Variants in BRCA1 observed in about 807,000 individuals in gnomAD.
BRCA1 encodes BRCA1 DNA repair associated.
BRCA1 carries 140 observed loss-of-function variants against 173.7 expected under a neutral mutation model. The ratio of observed to expected loss-of-function variants is 0.81; its 90% CI spans 0.70 to 0.93. The LOEUF is 0.93. Ranked by LOEUF, BRCA1 falls within the 40% of genes least tolerant of loss-of-function variation. The pLI, the probability that BRCA1 is intolerant of heterozygous loss-of-function variation, is 0.00. For synonymous variants in BRCA1, 662 were observed against 756.0 expected (o/e 0.88, Z 2.04); for missense variants, 1,983 against 2,172.5 (o/e 0.91, Z 1.73).
Position 43,104,150 on chromosome 17 carries a change from A to G in BRCA1, c.413T>C (p.Leu138Pro), listed in dbSNP as rs200449040. 3.7e-6 allele frequency: 6 copies of G among 1,614,070 alleles called. No individual in the cohort carries two copies. The highest frequency in any genetic ancestry group is 1.1e-5 in the South Asian group (1 of 91,066). Residue 138 changes from leucine (L) to proline (P), a missense_variant, in exon 6 of 23, where the codon CTA (leucine) becomes CCA (proline). Transcript: ENST00000357654. ...GGAAGGATTTTCGGGTTCACTCTGT[A>G]GAAGTCTTTTGGCACGGTTTCTGTA... is the stretch of plus-strand genomic sequence containing the variant. ...MGYRNRAKRL[L>P]QSEPENPSLQ... is the part of the protein sequence containing the mutation.
At chr17:43,135,176 C>T (rs1298287898) in intron 1 of BRCA1, among the ~76,000 whole-genome samples, 2 of 152,256 alleles carry the variant, frequency 1.3e-5, no homozygotes, top group Non-Finnish European at 2.9e-5. Flanking sequence ...CTGCGGACCC[C>T]GTGCACTTCC....
In BRCA1 at chr17:43,045,599, G is replaced by A. The variant is rs2152451078; in HGVS notation, c.*79C>T. 6.3e-7 allele frequency: 1 copy of A among 1,577,918 alleles called. No individual in the cohort carries two copies. Among genetic ancestry groups the A allele is most frequent in the Non-Finnish European group, 8.7e-7 (1 of 1,150,354 alleles). ...CAGTAGAAGGACTGAAGAGTGAGAG[G>A]AGCTCCCAGGGCCTGGAAAGGCCAC... On this transcript the variant is annotated 3_prime_UTR_variant, in exon 23 of 23. Coordinates refer to ENST00000357654, the MANE Select transcript of BRCA1 (RefSeq NM_007294.4).
At chr17:43,099,655 A>G in intron 7 of BRCA1, 120 bp downstream of exon 7, 2 of 810,430 alleles carry the variant, frequency 2.5e-6, no homozygotes, top group Non-Finnish European at 4.2e-6. Flanking sequence ...AGGGCTCATA[A>G]AATTCACTTC....
chr17:43,131,276 GTATATTA>G, intron 1 of BRCA1: 2 of 431,432 alleles, frequency 4.6e-6, no homozygotes, highest in South Asian at 1.8e-5. Flanking sequence ...AAGAGGTAAA[GTATATTA>G]TGGTACTTAT....
chr17:43,098,265 A>C (rs888092400), intron 7 of BRCA1, among the ~76,000 whole-genome samples: 1 of 152,032 alleles, frequency 6.6e-6, no homozygotes, highest in African/African-American at 2.4e-5. Flanking sequence ...TCCTGGCTTC[A>C]AGCAATCCTC....
At chr17:43,086,777 A>G (rs934613040) in intron 11 of BRCA1, among the ~76,000 whole-genome samples, 7 of 152,238 alleles carry the variant, frequency 4.6e-5, no homozygotes, top group African/African-American at 1.7e-4. Context: ...CCCACATTCA[A>G]AAAGGATCAT....
chr17:43,128,411 A>G (rs1294634040), upstream of BRCA1, among the ~76,000 whole-genome samples: 4 of 151,478 alleles, frequency 2.6e-5, no homozygotes, highest in Non-Finnish European at 5.9e-5. Flanking sequence ...ATCAGAAGGA[A>G]CAAACTCTGG....
At chr17:43,149,587 T>C (rs1161365308) in intron 1 of BRCA1, among the ~76,000 whole-genome samples, 1 of 152,088 alleles carries the variant, frequency 6.6e-6, no homozygotes, top group Non-Finnish European at 1.5e-5. Flanking sequence ...GCACCTCATA[T>C]GGAATCACCT....
In BRCA1 at chr17:43,094,597, C is replaced by A. The variant is rs752715574; in HGVS notation, c.934G>T (p.Gly312Cys). ...CTGTTATGTTGGCTCCTTGCTAAGC[C>A]AGGCTGTTTGCTTTTATTACAGAAT... Reference protein sequence around the residue: ...AEFCNKSKQPGLARSQHNRWA... With the variant: ...AEFCNKSKQPCLARSQHNRWA... Residue 312 changes from glycine to cysteine, a missense_variant, in exon 10 of 23, where the codon GGC becomes TGC. By Grantham distance (159) the Gly-to-Cys change is radical. Coordinates refer to ENST00000357654, the MANE Select transcript of BRCA1 (RefSeq NM_007294.4). 1 of 1,614,120 alleles carries A rather than the reference C, an allele frequency of 6.2e-7. No homozygotes were observed. Among genetic ancestry groups the A allele is most frequent in the Non-Finnish European group, 8.5e-7 (1 of 1,180,016 alleles).
chr17:43,142,070 C>T (rs2056079646), intron 1 of BRCA1, among the ~76,000 whole-genome samples: 1 of 151,956 alleles, frequency 6.6e-6, no homozygotes, highest in Non-Finnish European at 1.5e-5. Context: ...ACATGACCAT[C>T]CCCAGCTAAT....
At chr17:43,079,134 A>G (rs972660677) in intron 12 of BRCA1, among the ~76,000 whole-genome samples, 8 of 152,116 alleles carry the variant, frequency 5.3e-5, no homozygotes, top group African/African-American at 1.9e-4. Flanking sequence ...AAATCACACC[A>G]TTGCACTCCA....
chr17:43,157,227 G>C (rs1353450228), intron 1 of BRCA1, among the ~76,000 whole-genome samples: 2 of 152,136 alleles, frequency 1.3e-5, no homozygotes, highest in African/African-American at 4.8e-5. Flanking sequence ...CCTAAAACAG[G>C]CTGAAAAACT....
intron 1 of BRCA1, among the ~76,000 whole-genome samples, chr17:43,134,005 T>C (rs1390800188): frequency 1.3e-5 from 2 of 152,192 alleles, no homozygotes; most frequent in African/African-American, 4.8e-5. Flanking sequence ...TGTATTTCTA[T>C]CTGCTGGCCA....
intron 11 of BRCA1, 97 bp downstream of exon 11, chr17:43,090,847 A>G (rs989746210): frequency 8.7e-7 from 1 of 1,152,904 alleles, no homozygotes; most frequent in African/African-American, 1.5e-5. Context: ...ATTAATTCAA[A>G]GAGATGATGT....
rs768448755 is a variant in BRCA1 at position 43,145,628 on chromosome 17, C to T, written c.-19-21513G>A. ...GGCGTGAGCCACTGCGCCCGGCCTCCAGAGGAATATTTTTATCAACTATTT... is the reference window on the plus strand; with the variant it reads ...GGCGTGAGCCACTGCGCCCGGCCTCTAGAGGAATATTTTTATCAACTATTT... On this transcript the variant is annotated intron_variant, in intron 1 of 7. Transcript: ENST00000634433. Among the ~76,000 whole-genome samples the T allele has an allele frequency of 7.6e-4, 115 of 152,092 alleles. 1 individual carries two copies. Among genetic ancestry groups the T allele is most frequent in the Non-Finnish European group, 1.4e-3 (93 of 68,012 alleles).
intron 14 of BRCA1, among the ~76,000 whole-genome samples, chr17:43,072,736 G>A (rs1317719870): frequency 6.6e-6 from 1 of 151,794 alleles, no homozygotes; most frequent in African/African-American, 2.4e-5. Context: ...GGCTAATTTT[G>A]TATTTTTAGT....
chr17:43,048,494 C>CATGCCCAGCCTCCA (rs2051035480), intron 21 of BRCA1, among the ~76,000 whole-genome samples: 1 of 151,370 alleles, frequency 6.6e-6, no homozygotes, highest in Non-Finnish European at 1.5e-5. Context: ...CGTGAGCCAC[C>CATGCCCAGCCTCCA]GCACCTAGCT....
intron 1 of BRCA1, chr17:43,144,360 G>C (rs1463930353): frequency 5.6e-6 from 1 of 178,762 alleles, no homozygotes; most frequent in Non-Finnish European, 1.2e-5. Flanking sequence ...GGTAGGCCCA[G>C]TGATCCTATG....
In BRCA1 at chr17:43,092,649, T is replaced by C. The variant is rs879254130; in HGVS notation, c.2882A>G (p.Asn961Ser). ...RFCLSSQFRG[N>S]ETGLITPNKH... ...ATTTGGAGTAATGAGTCCAGTTTCG[T>C]TGCCTCTGAACTGAGATGATAGACA... Residue 961 changes from asparagine (N) to serine (S), a missense_variant, in exon 10 of 23, where the codon AAC becomes AGC. Transcript: ENST00000357654. The C allele has an allele frequency of 1.2e-5, 20 of 1,613,994 alleles. No homozygotes were observed. The highest frequency in any genetic ancestry group is 1.6e-5 in the Non-Finnish European group (19 of 1,180,012).
Sources: allele counts gnomAD v4.1 joint callset (sites outside exome capture counted in the v4.1 genomes callset), GRCh38; gene constraint gnomAD v4.1.1; transcripts MANE v1.5; gene names NCBI Gene and HGNC (gene_info 2026-07-23, HGNC 2026-07-21).